The following NRG3 variants were observed in gnomAD, a reference collection of about 807,000 sequenced individuals.
The protein encoded by NRG3 is neuregulin 3.
A neutral mutation model predicts 66.9 loss-of-function variants in NRG3; 31 were observed. That is an observed-to-expected ratio of 0.46 (90% CI 0.35 to 0.63). The LOEUF is 0.63. Among genes scored for constraint, NRG3 ranks in the 20% least tolerant of loss-of-function variants. The pLI, the probability that NRG3 is intolerant of heterozygous loss-of-function variation, is 0.00. For synonymous variants in NRG3, 393 were observed against 359.4 expected (o/e 1.09, Z -1.06); for missense variants, 910 against 878.9 (o/e 1.04, Z -0.45).
chr10:82,770,084 T>G (rs915753143), intron 3 of NRG3, among the ~76,000 whole-genome samples: 5 of 152,116 alleles, frequency 3.3e-5, no homozygotes, highest in African/African-American at 1.2e-4. Flanking sequence ...ATGAATAGAA[T>G]AAAAATGAGT....
At chr10:81,979,367 T>C (rs955618251) in intron 1 of NRG3, among the ~76,000 whole-genome samples, 1 of 152,068 alleles carries the variant, frequency 6.6e-6, no homozygotes, top group Non-Finnish European at 1.5e-5. Context: ...ATCTTGCTCA[T>C]ATCTAATGGG....
At chr10:82,638,765 G>A (rs900412232) in intron 2 of NRG3, among the ~76,000 whole-genome samples, 2 of 151,920 alleles carry the variant, frequency 1.3e-5, no homozygotes, top group Non-Finnish European at 2.9e-5. Context: ...TCCTGCCTTA[G>A]CCTCCCAAGT....
rs191384059 is a variant in NRG3 at position 82,447,914 on chromosome 10, A to G, written c.953+89046A>G. 8.3e-4 allele frequency among the ~76,000 whole-genome samples: 127 copies of G among 152,322 alleles called. 1 individual carries two copies. Among genetic ancestry groups the G allele is most frequent in the Non-Finnish European group, 3.7e-4 (25 of 68,022 alleles). On this transcript the variant is annotated intron_variant, in intron 2 of 8. Coordinates refer to ENST00000372141, the MANE Select transcript of NRG3 (RefSeq NM_001010848.4). ...TTCCTACACACCTTCAACTGGTGCA[A>G]GACTTATCCTTTAGAGACCTCCTTT...
At chr10:82,914,917 A>C (rs554266877) in intron 4 of NRG3, among the ~76,000 whole-genome samples, 201 of 152,272 alleles carry the variant, frequency 1.3e-3, no homozygotes, top group African/African-American at 4.6e-3. Flanking sequence ...GCCTTTGTTA[A>C]GGAGAACAGA....
At chr10:82,173,562 C>T (rs1359465091) in intron 1 of NRG3, among the ~76,000 whole-genome samples, 1 of 151,974 alleles carries the variant, frequency 6.6e-6, no homozygotes, top group African/African-American at 2.4e-5. Context: ...GACACAATGA[C>T]ACAGCTGGGA....
intron 1 of NRG3, among the ~76,000 whole-genome samples, chr10:82,331,244 G>C (rs1313233130): frequency 7.2e-5 from 11 of 152,016 alleles, no homozygotes; most frequent in Admixed American, 2.6e-4. Context: ...TTTTATTCTT[G>C]GTCTGGCACT....
rs2080780609 is a variant in NRG3, at chr10:82,307,069, CTG to C, written c.824-51667_824-51666del. On this transcript the variant is annotated intron_variant, in intron 1 of 8. Coordinates refer to ENST00000372141, the MANE Select transcript of NRG3 (RefSeq NM_001010848.4). ...TTTATCACTTTTTTTGAAGAATACT[CTG>C]TGCATTTTCATATGTTTTGGGTGCT... Among the ~76,000 whole-genome samples, 4 of 152,026 alleles carry C rather than the reference CTG, an allele frequency of 2.6e-5. No individual in the cohort carries two copies. The South Asian group carries it at 8.3e-4, about 32-fold the overall frequency.
At chr10:81,952,483 A>C (rs921484585) in intron 1 of NRG3, among the ~76,000 whole-genome samples, 1 of 152,034 alleles carries the variant, frequency 6.6e-6, no homozygotes, top group African/African-American at 2.4e-5. Context: ...CCATGAGTAG[A>C]GTAAGGAGAA....
At chr10:82,744,942 A>G (rs992165541) in intron 3 of NRG3, among the ~76,000 whole-genome samples, 3 of 152,142 alleles carry the variant, frequency 2.0e-5, no homozygotes, top group African/African-American at 7.2e-5. Flanking sequence ...CTTGATTAGT[A>G]CACAGTGTAC....
At chr10:82,629,058 C>G (rs1175016138) in intron 2 of NRG3, among the ~76,000 whole-genome samples, 2 of 152,042 alleles carry the variant, frequency 1.3e-5, no homozygotes, top group Non-Finnish European at 2.9e-5. Flanking sequence ...TAATATCTAT[C>G]TTTTAGATTT....
chr10:82,191,047 A>G (rs2162629), intron 1 of NRG3, among the ~76,000 whole-genome samples: 2 of 152,034 alleles, frequency 1.3e-5, no homozygotes, highest in African/African-American at 4.8e-5. Flanking sequence ...TGTCACCCCC[A>G]GTCACTGCCA....
intron 2 of NRG3, among the ~76,000 whole-genome samples, chr10:82,440,154 G>T (rs145965306): frequency 6.6e-6 from 1 of 151,354 alleles, no homozygotes; most frequent in East Asian, 1.9e-4. Flanking sequence ...TCTATATTTT[G>T]GTATTTAATT....
intron 1 of NRG3, among the ~76,000 whole-genome samples, chr10:82,000,284 T>C (rs2061111000): frequency 6.6e-6 from 1 of 152,224 alleles, no homozygotes; most frequent in Admixed American, 6.5e-5. Context: ...GTAGCCGTTC[T>C]TATGTCCATT....
chr10:81,893,444 A>G (rs550504415), intron 1 of NRG3, among the ~76,000 whole-genome samples: 1 of 148,538 alleles, frequency 6.7e-6, no homozygotes, highest in East Asian at 2.0e-4. Context: ...TATGGAATGG[A>G]CTTTTTTTTT....
At chr10:82,764,779 G>C (rs1016633201) in intron 3 of NRG3, among the ~76,000 whole-genome samples, 6 of 152,136 alleles carry the variant, frequency 3.9e-5, no homozygotes, top group Non-Finnish European at 7.4e-5. Flanking sequence ...ATATAAGATA[G>C]TATAAGATGC....
At chr10:82,838,077 A>G (rs76600687) in intron 3 of NRG3, among the ~76,000 whole-genome samples, 12 of 152,290 alleles carry the variant, frequency 7.9e-5, no homozygotes, top group East Asian at 3.9e-4. Flanking sequence ...TTTGCTGCCA[A>G]TTTATTTAGC....
intron 1 of NRG3, among the ~76,000 whole-genome samples, chr10:82,184,700 C>T (rs1316446577): frequency 6.6e-6 from 1 of 152,078 alleles, no homozygotes; most frequent in East Asian, 1.9e-4. Context: ...GAATGTGTTA[C>T]TTTGGAAGAG....
At chr10:82,918,947 A>G (rs1419452795) in intron 4 of NRG3, among the ~76,000 whole-genome samples, 2 of 152,084 alleles carry the variant, frequency 1.3e-5, no homozygotes, top group Non-Finnish European at 2.9e-5. Flanking sequence ...TTGTCTAGTA[A>G]TCCTACCTGT....
intron 1 of NRG3, among the ~76,000 whole-genome samples, chr10:81,972,188 A>C (rs565734340): frequency 6.6e-6 from 1 of 152,334 alleles, no homozygotes; most frequent in African/African-American, 2.4e-5. Context: ...GATATAGATT[A>C]TTTTCAAGTA....
Sources: allele counts gnomAD v4.1 joint callset (sites outside exome capture counted in the v4.1 genomes callset), GRCh38; gene constraint gnomAD v4.1.1; transcripts MANE v1.5; gene names NCBI Gene and HGNC (gene_info 2026-07-23, HGNC 2026-07-21).